KDM1A: variants seen among roughly 807,000 people sequenced by gnomAD.
KDM1A encodes the protein lysine demethylase 1A, also known as lysine-specific histone demethylase 1A.
Under a neutral mutation model 109.4 loss-of-function variants are expected in KDM1A, and 49 were observed. The ratio of observed to expected loss-of-function variants is 0.45; its 90% confidence interval spans 0.36 to 0.57. KDM1A has a LOEUF of 0.57. Among genes scored for constraint, KDM1A ranks in the 20% least tolerant of loss-of-function variants. KDM1A has a pLI of 0.00. For missense variants in KDM1A, 668 were observed against 1,116.6 expected, an observed-to-expected ratio of 0.60 and a Z score of 5.73; for synonymous variants, 380 against 415.4, an observed-to-expected ratio of 0.91 and a Z score of 1.04.
At chr1:23,053,274 T>C (rs1367303541) in intron 4 of KDM1A, among the ~76,000 whole-genome samples, 1 of 152,278 alleles carries the variant, frequency 6.6e-6, no homozygotes, top group Non-Finnish European at 1.5e-5. Flanking sequence ...AATTTACTTA[T>C]TTGATATGGC....
intron 3 of KDM1A, among the ~76,000 whole-genome samples, chr1:23,047,286 G>C (rs1642529103): frequency 6.6e-6 from 1 of 151,978 alleles, no homozygotes; most frequent in African/African-American, 2.4e-5. Context: ...CTTAAAATAA[G>C]TATCCCTAAA....
chr1:23,061,773 C>T (rs563718761), intron 9 of KDM1A, among the ~76,000 whole-genome samples: 4 of 152,054 alleles, frequency 2.6e-5, no homozygotes, highest in South Asian at 2.1e-4. Flanking sequence ...TCTCGTGCCT[C>T]AGCCTCCTGA....
intron 18 of KDM1A, chr1:23,081,235 T>A (rs1280333021): frequency 3.9e-6 from 2 of 516,942 alleles, no homozygotes; most frequent in East Asian, 3.3e-5. Flanking sequence ...CTTACTTCAC[T>A]CTAGTCTGCC....
chr1:23,070,980 GCAGCACT>G (rs1643301738), intron 12 of KDM1A, among the ~76,000 whole-genome samples: 1 of 152,128 alleles, frequency 6.6e-6, no homozygotes, highest in Non-Finnish European at 1.5e-5. Context: ...GTTTTAGAAG[GCAGCACT>G]GATCTTACTT....
intron 14 of KDM1A, among the ~76,000 whole-genome samples, chr1:23,072,708 T>G (rs1444288258): frequency 6.6e-6 from 1 of 152,184 alleles, no homozygotes; most frequent in East Asian, 1.9e-4. Context: ...TGCAATGATG[T>G]GATCTCAGCT....
chr1:23,024,033 G>C (rs964453398), intron 1 of KDM1A, among the ~76,000 whole-genome samples: 1 of 151,908 alleles, frequency 6.6e-6, no homozygotes, highest in African/African-American at 2.4e-5. Flanking sequence ...ATTTTTTGTA[G>C]AAATGGCTTC....
intron 9 of KDM1A, among the ~76,000 whole-genome samples, chr1:23,063,219 T>TGG (rs796579346): frequency 8.4e-4 from 23 of 27,440 alleles, no homozygotes; most frequent in East Asian, 1.7e-3. Flanking sequence ...TGGTGTGGGG[T>TGG]GGGTGTGTGT....
chr1:23,056,791 TTTTTG>T (rs1220821500), intron 7 of KDM1A, among the ~76,000 whole-genome samples: 1 of 150,612 alleles, frequency 6.6e-6, no homozygotes, highest in Non-Finnish European at 1.5e-5. Context: ...AGTATGTAGG[TTTTTG>T]TTTTGTTTGC....
At chr1:23,043,287 C>T (rs1642406287) in intron 2 of KDM1A, among the ~76,000 whole-genome samples, 1 of 152,148 alleles carries the variant, frequency 6.6e-6, no homozygotes, top group Non-Finnish European at 1.5e-5. Context: ...ACCCTTCAGA[C>T]GAGAGCTTAG....
At chr1:23,064,810 A>G (rs1476655295) in intron 9 of KDM1A, among the ~76,000 whole-genome samples, 2 of 152,234 alleles carry the variant, frequency 1.3e-5, no homozygotes, top group African/African-American at 2.4e-5. Context: ...GATTGAACCT[A>G]TTTGGAATAG....
chr1:23,052,104 G>T (rs1642690395), intron 4 of KDM1A, among the ~76,000 whole-genome samples: 2 of 151,948 alleles, frequency 1.3e-5, no homozygotes, highest in Admixed American at 1.3e-4. Context: ...ACTTAGATTT[G>T]AGCGATGGAT....
At position 23,082,430 on chromosome 1, in the gene KDM1A, AT is replaced by A. The variant is rs376287633; in HGVS notation, c.2445+80del. 157,917 of 1,027,512 alleles carry A rather than the reference AT, an allele frequency of 0.15. No homozygotes were observed. Among genetic ancestry groups the A allele is most frequent in the East Asian group, 0.17 (5,442 of 31,552 alleles). The allele number at this position is 1,027,512 out of a possible 1,614,324, so 63.6% of individuals were successfully genotyped here. A position where few individuals can be genotyped will look rare whatever the true frequency, so the allele number is the denominator to read the frequency against. On this transcript the variant is annotated intron_variant, in intron 20 of 20. Coordinates refer to ENST00000400181, the MANE Select transcript of KDM1A (RefSeq NM_001009999.3). ...AGGCCAGGATCTCATGATGTCCCTG[AT>A]TTTTTTTTTTTTTTTCAGATTTTAG...
chr1:23,054,900 T>G (rs1294135511), intron 5 of KDM1A, among the ~76,000 whole-genome samples, 169 bp from the exon 6 acceptor site: 2 of 152,130 alleles, frequency 1.3e-5, no homozygotes, highest in Non-Finnish European at 2.9e-5. Context: ...CCACTAAGAT[T>G]GTGTGCATCA....
At chr1:23,075,679 G>A (rs1643443251) in intron 15 of KDM1A, among the ~76,000 whole-genome samples, 1 of 152,036 alleles carries the variant, frequency 6.6e-6, no homozygotes, top group South Asian at 2.1e-4. Flanking sequence ...TGGGCATGGT[G>A]GCTCATGCCT....
At chr1:23,043,783 T>C (rs1642423668) in intron 2 of KDM1A, among the ~76,000 whole-genome samples, 1 of 152,252 alleles carries the variant, frequency 6.6e-6, no homozygotes, top group Non-Finnish European at 1.5e-5. Flanking sequence ...TTCAAGATCT[T>C]GCCTGCCTTT....
intron 4 of KDM1A, among the ~76,000 whole-genome samples, chr1:23,052,124 T>C (rs534626658): frequency 6.6e-6 from 1 of 152,324 alleles, no homozygotes; most frequent in African/African-American, 2.4e-5. Context: ...TTTACAGGGA[T>C]CTCTGTCTTT....
intron 4 of KDM1A, among the ~76,000 whole-genome samples, chr1:23,051,680 A>G (rs1036142520): frequency 6.6e-6 from 1 of 152,224 alleles, no homozygotes; most frequent in Non-Finnish European, 1.5e-5. Context: ...GGTGCTATTC[A>G]GAACATGCTC....
rs1396039027 is a variant in KDM1A, at chr1:23,079,571, C to G, written c.2074C>G (p.Arg692Gly). 1 of 1,613,494 alleles carries G rather than the reference C, an allele frequency of 6.2e-7. No homozygotes were observed. The highest frequency in any genetic ancestry group is 8.5e-7 in the Non-Finnish European group (1 of 1,179,738). The change falls in exon 18 of 21, where the codon CGG (arginine) becomes GGG (glycine). Residue 692 changes from arginine (R) to glycine (G), a missense_variant. Physicochemically the swap from Arg to Gly is moderately radical, Grantham distance 125 (BLOSUM62 -2). Coordinates refer to ENST00000400181, the MANE Select transcript of KDM1A (RefSeq NM_001009999.3). This position sits in a 1 kb window ranked among gnomAD's most constrained non-coding sequence, Gnocchi z 5.6. ...ATGGTAGGTGGTGTTGTGTTTTGAT[C>G]GGGTGTTCTGGGATCCAAGTGTCAA... is the stretch of plus-strand genomic sequence containing the variant. ...NLNKVVLCFDRVFWDPSVNLF... is the reference protein window; with the variant it reads ...NLNKVVLCFDGVFWDPSVNLF...
chr1:23,036,444 G>GCCCCCCCCCCCCCCC (rs5773033), intron 2 of KDM1A, among the ~76,000 whole-genome samples: 1 of 121,598 alleles, frequency 8.2e-6, no homozygotes, highest in Non-Finnish European at 1.7e-5. Flanking sequence ...TTCTTGCCAC[G>GCCCCCCCCCCCCCCC]CCCCCCCCCT....
Sources: gnomAD v4.1 joint callset for allele counts (sites outside exome capture counted in the v4.1 genomes callset) on GRCh38, gnomAD v4.1.1 for gene constraint, Gnocchi (gnomAD v3.1) non-coding constraint, MANE v1.5 for transcripts, NCBI Gene and HGNC (gene_info 2026-07-23, HGNC 2026-07-21) for gene names.